ING1: variants seen among roughly 807,000 people sequenced by gnomAD.
ING1 encodes inhibitor of growth protein 1.
In ING1, 4 loss-of-function variants were observed where a neutral mutation model predicts 23.1. The observed-to-expected ratio is 0.17, with a 90% confidence interval of 0.09 to 0.40. The LOEUF (loss-of-function observed/expected upper bound fraction) is 0.40, where lower values mean the gene tolerates loss of function less well. ING1 is among the 10% of genes least tolerant of loss of function. The probability of loss-of-function intolerance (pLI) is 1.00; values close to 1 mark genes in which losing one functional copy is unlikely to be tolerated. For synonymous variants in ING1, 179 were observed against 166.4 expected, an observed-to-expected ratio of 1.08 and a Z score of -0.58; for missense variants, 256 against 393.8, an observed-to-expected ratio of 0.65 and a Z score of 2.96.
At chr13:110,715,269 A>T in intron 1 of ING1, 1 of 1,378,278 alleles carries the variant, frequency 7.3e-7, no homozygotes, top group South Asian at 1.9e-5. Flanking sequence ...GAAACGGAAG[A>T]GTTGGGTGGG....
chr13:110,715,314 T>C (rs986376404), intron 1 of ING1: 8 of 1,425,594 alleles, frequency 5.6e-6, no homozygotes, highest in South Asian at 1.6e-5. Context: ...TCCCCGAAAG[T>C]ACTAGACGCC....
At position 110,719,494 on chromosome 13, in the gene ING1, C is replaced by G; in HGVS notation, c.402C>G (p.Pro134=). Residue 134 remains proline, a synonymous_variant, in exon 2 of 2, where the codon CCC becomes CCG. Coordinates refer to ENST00000333219, the MANE Select transcript of ING1 (RefSeq NM_198219.3). The surrounding 1 kb of genome is among the most constrained non-coding windows in gnomAD (Gnocchi z 8.9). Reference sequence around the variant, plus strand: ...GCGGCAAGGCTGGCGCGGACAGGCCCAAAGGCGAGGCGGCAGCGCAGGCTG... The same window carrying G: ...GCGGCAAGGCTGGCGCGGACAGGCCGAAAGGCGAGGCGGCAGCGCAGGCTG... ...GNSGKAGADR[P]KGEAAAQADK... The G allele has an allele frequency of 6.2e-7, 1 of 1,612,334 alleles. No homozygotes were observed. The highest frequency in any genetic ancestry group is 8.5e-7 in the Non-Finnish European group (1 of 1,179,346).
Position 110,720,200 on chromosome 13 carries a change from C to A in ING1, c.*268C>A, listed in dbSNP as rs2064160530. 3.6e-6 allele frequency: 1 copy of A among 277,954 alleles called. No homozygotes were observed. Among genetic ancestry groups the A allele is most frequent in the Non-Finnish European group, 7.1e-6 (1 of 140,570 alleles). 17.2% of individuals were successfully genotyped at this position (277,954 alleles called of 1,614,324 possible). ...ACTTAAGTCTCAGACTGATTTCTTG[C>A]GGGAGGAGGGGGACTAAACTCAACC... On this transcript the variant is annotated 3_prime_UTR_variant, in exon 2 of 2. Transcript: ENST00000333219.
At chr13:110,713,289 T>G, upstream of ING1, 1 of 1,279,170 alleles carries the variant, frequency 7.8e-7, no homozygotes, top group Non-Finnish European at 9.9e-7. Context: ...CGAGTTGCGG[T>G]AGTTGCTGTG....
chr13:110,717,875 A>C (rs1327048315), intron 1 of ING1, among the ~76,000 whole-genome samples: 1 of 152,214 alleles, frequency 6.6e-6, no homozygotes, highest in Non-Finnish European at 1.5e-5. Flanking sequence ...AGAGACTGCA[A>C]AAAGGTTTTA....
upstream of ING1, chr13:110,713,262 A>T (rs886304572): frequency 1.3e-5 from 17 of 1,325,516 alleles, no homozygotes; most frequent in African/African-American, 3.0e-5. Flanking sequence ...GGGGACGAAG[A>T]GTCAGGGGCT....
rs2064168928 is a variant in ING1 at position 110,721,102 on chromosome 13, T to G, written c.*1170T>G. 6.0e-6 allele frequency: 1 copy of G among 166,862 alleles called. No individual in the cohort carries two copies. Among genetic ancestry groups the G allele is most frequent in the Non-Finnish European group, 1.5e-5 (1 of 68,124 alleles). The allele number at this position is 166,862 out of a possible 1,614,324, so 10.3% of individuals were successfully genotyped here. A position where few individuals can be genotyped will look rare whatever the true frequency, so the allele number is the denominator to read the frequency against. ...CGTGCTTATGTGCGTATGTATTGTC[T>G]GACTGCTTTTGCAAAACGGCAGAGT... On this transcript the variant is annotated 3_prime_UTR_variant, in exon 2 of 2. Coordinates refer to ENST00000333219, the MANE Select transcript of ING1 (RefSeq NM_198219.3).
chr13:110,714,968 A>C, intron 1 of ING1: 1 of 987,266 alleles, frequency 1.0e-6, no homozygotes, highest in Non-Finnish European at 1.2e-6. Context: ...TAGGGAAGGG[A>C]AGGGAAGGGG....
In ING1 at chr13:110,722,769, A is replaced by G. The variant is rs2064179635; in HGVS notation, c.*2837A>G. 1 of 152,198 alleles carries G rather than the reference A, an allele frequency of 6.6e-6. No individual in the cohort carries two copies. The highest frequency in any genetic ancestry group is 2.4e-5 in the African/African-American group (1 of 41,450). The allele number at this position is 152,198 out of a possible 1,614,324, so 9.4% of individuals were successfully genotyped here. ...TTCTTTAAAAAAAAATAGATACAAT[A>G]CAGAGTCGTGTTGGACTGGCAGTCT... On this transcript the variant is annotated 3_prime_UTR_variant, in exon 2 of 2. Coordinates refer to ENST00000333219, the MANE Select transcript of ING1 (RefSeq NM_198219.3).
upstream of ING1, chr13:110,713,334 G>A: frequency 3.6e-6 from 4 of 1,123,394 alleles, no homozygotes; most frequent in Non-Finnish European, 4.4e-6. Flanking sequence ...CCCGCGGCCC[G>A]TTAGGTCCTG....
chr13:110,712,770 A>C, upstream of ING1: 5 of 707,110 alleles, frequency 7.1e-6, no homozygotes, highest in Non-Finnish European at 7.7e-6. Context: ...CAGGGCGGGA[A>C]GAGATAAGGC....
In ING1 at chr13:110,723,288, T is replaced by C. The variant is rs950826643; in HGVS notation, c.*3356T>C. ...AGAGCTATGTGAGTTGTCTCAATAC[T>C]TGAGACTGTCGGTGGTTGCCAATGC... On this transcript the variant is annotated 3_prime_UTR_variant, in exon 2 of 2. Transcript: ENST00000333219. 3.3e-5 allele frequency: 5 copies of C among 152,016 alleles called. No individual in the cohort carries two copies. The highest frequency in any genetic ancestry group is 1.2e-4 in the African/African-American group (5 of 41,378). 9.4% of individuals were successfully genotyped at this position (152,016 alleles called of 1,614,324 possible).
In ING1 at chr13:110,714,261, C is replaced by G; in HGVS notation, c.112C>G (p.Arg38Gly). 1.3e-6 allele frequency: 2 copies of G among 1,570,946 alleles called. No homozygotes were observed. The highest frequency in any genetic ancestry group is 1.4e-5 in the African/African-American group (1 of 71,508). ...CTTGCAGAGAAATGTCTCGCTGATG[C>G]GGGAGATCGACGCGAAATACCAAGG... Reference protein sequence around the residue: ...FDLQRNVSLMREIDAKYQEIL... With the variant: ...FDLQRNVSLMGEIDAKYQEIL... The change falls in exon 1 of 2, where the codon CGG (arginine) becomes GGG (glycine). Residue 38 changes from arginine to glycine, a missense_variant. Physicochemically the swap from Arg to Gly is moderately radical, Grantham distance 125. Coordinates refer to ENST00000333219, the MANE Select transcript of ING1 (RefSeq NM_198219.3).
In ING1 at chr13:110,719,685, C is replaced by T. The variant is rs563266503; in HGVS notation, c.593C>T (p.Ala198Val). 6.2e-7 allele frequency: 1 copy of T among 1,613,922 alleles called. No homozygotes were observed. Among genetic ancestry groups the T allele is most frequent in the East Asian group, 2.2e-5 (1 of 44,850 alleles). The change falls in exon 2 of 2, where the codon GCG (alanine) becomes GTG (valine). Residue 198 changes from alanine to valine, a missense_variant. Ala to Val is a moderately conservative substitution (Grantham distance 64). Coordinates refer to ENST00000333219, the MANE Select transcript of ING1 (RefSeq NM_198219.3). The surrounding 1 kb of genome is among the most constrained non-coding windows in gnomAD (Gnocchi z 8.9). ...KRSKAKAERE[A>V]SPADLPIDPN... ...TCCAAGGCCAAGGCGGAGCGAGAGGCGTCCCCTGCCGACCTCCCCATCGAC... is the reference window on the plus strand; with the variant it reads ...TCCAAGGCCAAGGCGGAGCGAGAGGTGTCCCCTGCCGACCTCCCCATCGAC...
chr13:110,712,930 GC>G, upstream of ING1: 1 of 1,556,768 alleles, frequency 6.4e-7, no homozygotes, highest in Non-Finnish European at 8.7e-7. Flanking sequence ...TGGCGCAGGC[GC>G]GGGAGCCGCC....
rs550745920 is a variant in ING1 at position 110,715,003 on chromosome 13, C to T, written c.136+718C>T. 3,344 of 991,822 alleles carry T rather than the reference C, an allele frequency of 3.4e-3. 6 individuals are homozygous for T. The highest frequency in any genetic ancestry group is 3.8e-3 in the Non-Finnish European group (3,206 of 834,432). The allele number at this position is 991,822 out of a possible 1,614,324, so 61.4% of individuals were successfully genotyped here. On this transcript the variant is annotated intron_variant, in intron 1 of 1. Coordinates refer to ENST00000333219, the MANE Select transcript of ING1 (RefSeq NM_198219.3). ...GAGGAGCGGAGGCGGGGAAGGCGCC[C>T]ATCTGCGCTGCGCTCGGGGGGGCGC...
chr13:110,715,323 C>A (rs564351603), intron 1 of ING1: 292 of 1,439,296 alleles, frequency 2.0e-4, no homozygotes, highest in Non-Finnish European at 2.6e-4. Context: ...GTACTAGACG[C>A]CTCTGCCGGG....
At chr13:110,714,366 T>G in intron 1 of ING1, 81 bp downstream of exon 1, 4 of 1,234,868 alleles carry the variant, frequency 3.2e-6, no homozygotes, top group Middle Eastern at 2.3e-4. Context: ...GGGCCGGTCC[T>G]GCCGTGGACC....
At chr13:110,712,812 T>C (rs1411709777), upstream of ING1, 1 of 819,750 alleles carries the variant, frequency 1.2e-6, no homozygotes, top group African/African-American at 1.7e-5. Flanking sequence ...CCTATCCACC[T>C]CTTCTGGGGC....
Sources: gnomAD v4.1 joint callset for allele counts (sites outside exome capture counted in the v4.1 genomes callset) on GRCh38, gnomAD v4.1.1 for gene constraint, Gnocchi (gnomAD v3.1) non-coding constraint, MANE v1.5 for transcripts, NCBI Gene and HGNC (gene_info 2026-07-23, HGNC 2026-07-21) for gene names.